Variants in TRIOBP observed in about 807,000 individuals in gnomAD.
TRIOBP encodes the protein TRIO and F-actin-binding protein.
TRIOBP carries 169 observed loss-of-function variants against 238.8 expected under a neutral mutation model. The ratio of observed to expected loss-of-function variants is 0.71; its 90% CI spans 0.62 to 0.80. The LOEUF (loss-of-function observed/expected upper bound fraction) is 0.80. Ranked by LOEUF, TRIOBP falls within the 30% of genes least tolerant of loss-of-function variation. TRIOBP has a pLI of 0.00. For synonymous variants in TRIOBP, 1,150 were observed against 1,274.4 expected, an observed-to-expected ratio of 0.90 and a Z score of 2.08; for missense variants, 2,838 against 3,122.6, an observed-to-expected ratio of 0.91 and a Z score of 2.17.
chr22:37,751,449 T>G (rs1925600712), intron 11 of TRIOBP: 1 of 432,604 alleles, frequency 2.3e-6, no homozygotes, highest in South Asian at 2.1e-5. Context: ...GCAGGCAGAG[T>G]CCTCCCAGCC....
At chr22:37,707,400 A>G (rs1381034471) in intron 3 of TRIOBP, among the ~76,000 whole-genome samples, 3 of 152,120 alleles carry the variant, frequency 2.0e-5, no homozygotes, top group Non-Finnish European at 2.9e-5. Context: ...CCACGTGGTC[A>G]GGCATTGAAG....
chr22:37,735,347 A>G lies in TRIOBP; in HGVS notation c.5011A>G (p.Arg1671Gly), dbSNP rs777685924. 2 of 1,613,274 alleles carry G rather than the reference A, an allele frequency of 1.2e-6. No individual in the cohort carries two copies. The highest frequency in any genetic ancestry group is 1.1e-5 in the South Asian group (1 of 91,074). The change falls in exon 9 of 24, where the codon AGA (arginine) becomes GGA (glycine). Residue 1671 changes from arginine (R) to glycine (G), a missense_variant. Around this residue, in one of 5 missense-constraint regions of TRIOBP, gnomAD observed 2,096 missense variants for 2,137.4 expected, o/e 0.98. Coordinates refer to ENST00000644935, the MANE Select transcript of TRIOBP (RefSeq NM_001039141.3). ...CCAGTGGCCAAAGATCAAAGTGACA[A>G]GAGGACCAGCGACCGCAACTCTGGC... The part of the protein sequence containing the change: ...STQWPKIKVT[R>G]GPATATLAGL...
At position 37,754,866 on chromosome 22, in the gene TRIOBP, C is replaced by G. The variant is rs942820718; in HGVS notation, c.5380-11C>G. The G allele has an allele frequency of 1.9e-6, 3 of 1,613,550 alleles. No homozygotes were observed. Among genetic ancestry groups the G allele is most frequent in the Admixed American group, 3.3e-5 (2 of 60,006 alleles). On this transcript the variant is annotated splice_polypyrimidine_tract_variant and intron_variant, in intron 12 of 23. Coordinates refer to ENST00000644935, the MANE Select transcript of TRIOBP (RefSeq NM_001039141.3). ...ACACACACTGGCTCTTTCATTCCAT[C>G]CTCCTTGCAGCCTCCCTCCCCCTCG...
Position 37,734,555 on chromosome 22 carries a change from C to G in TRIOBP, c.4219C>G (p.Leu1407Val). Reference sequence around the variant, plus strand: ...ATCAGCCAGGACCCCTGAGAGGGAGCTGCGGACACAGAGACCTCTGGAGAG... The same window carrying G: ...ATCAGCCAGGACCCCTGAGAGGGAGGTGCGGACACAGAGACCTCTGGAGAG... Reference protein sequence around the residue: ...RTSARTPERELRTQRPLESGQ... With the variant: ...RTSARTPEREVRTQRPLESGQ... The change falls in exon 9 of 24, where the codon CTG becomes GTG. Residue 1407 changes from leucine (L) to valine (V), a missense_variant. Coordinates refer to ENST00000644935, the MANE Select transcript of TRIOBP (RefSeq NM_001039141.3). 1.3e-6 allele frequency: 2 copies of G among 1,591,472 alleles called. No homozygotes were observed. The highest frequency in any genetic ancestry group is 1.7e-6 in the Non-Finnish European group (2 of 1,169,302).
chr22:37,710,192 C>G (rs1434001641), intron 3 of TRIOBP, among the ~76,000 whole-genome samples: 1 of 152,256 alleles, frequency 6.6e-6, no homozygotes, highest in Non-Finnish European at 1.5e-5. Flanking sequence ...ACACACATAC[C>G]TGCTCCAAGG....
At chr22:37,731,920 G>T (rs865923647) in intron 7 of TRIOBP, among the ~76,000 whole-genome samples, 4 of 151,328 alleles carry the variant, frequency 2.6e-5, no homozygotes, top group Middle Eastern at 3.6e-3. Context: ...TGTCGTTCCA[G>T]CATGGCTCCT....
chr22:37,741,800 G>A (rs1924946712), intron 11 of TRIOBP, among the ~76,000 whole-genome samples: 1 of 152,208 alleles, frequency 6.6e-6, no homozygotes, highest in South Asian at 2.1e-4. Context: ...ATGAGAGAAG[G>A]GTTGTAGCCA....
chr22:37,701,684 T>C (rs1363800669), intron 3 of TRIOBP, among the ~76,000 whole-genome samples: 1 of 152,260 alleles, frequency 6.6e-6, no homozygotes, highest in African/African-American at 2.4e-5. Flanking sequence ...GCTTATATGA[T>C]ACGATTGTTA....
rs1016862310 is a variant in TRIOBP, at chr22:37,726,490, G to A, written c.3934G>A (p.Gly1312Arg). The A allele has an allele frequency of 8.5e-6, 13 of 1,522,344 alleles. No homozygotes were observed. The highest frequency in any genetic ancestry group is 1.4e-5 in the African/African-American group (1 of 73,248). The allele number at this position is 1,522,344 out of a possible 1,614,324, so 94.3% of individuals were successfully genotyped here. Residue 1312 changes from glycine (G) to arginine (R), a missense_variant, in exon 7 of 24, where the codon GGG becomes AGG. Gly to Arg is a moderately radical substitution (Grantham distance 125, BLOSUM62 -2). Around this residue, in one of 5 missense-constraint regions of TRIOBP, gnomAD observed 2,096 missense variants for 2,137.4 expected, o/e 0.98. Transcript: ENST00000644935. The stretch of plus-strand genomic sequence containing the variant: ...CCGTGCAGAGGTGGAGCGCCTCTTC[G>A]GGCAAGAGCGCAGGTGAGCCCGGGG... ...PGRAEVERLF[G>R]QERRKSEAAG...
In TRIOBP at chr22:37,768,887, T is replaced by C. The variant is rs183868970; in HGVS notation, c.6576-141T>C. On this transcript the variant is annotated intron_variant, in intron 19 of 23. Transcript: ENST00000644935. ...TGTAGCCCAGAGAAGCTGTCACTGG[T>C]TCACAGCCCCACAGCAGGCTAAAGG... 1.2e-4 allele frequency: 141 copies of C among 1,159,876 alleles called. No homozygotes were observed. In the Admixed American group the frequency reaches 2.5e-3, roughly 21 times the overall value. 71.8% of individuals were successfully genotyped at this position (1,159,876 alleles called of 1,614,324 possible).
intron 5 of TRIOBP, 138 bp downstream of exon 5, chr22:37,713,549 C>T: frequency 1.8e-6 from 2 of 1,100,072 alleles, no homozygotes; most frequent in African/African-American, 1.5e-5. Context: ...CATTAGCTGG[C>T]AGCTCGGGCC....
chr22:37,767,228 G>A (rs1336508592), intron 18 of TRIOBP, among the ~76,000 whole-genome samples: 1 of 85,090 alleles, frequency 1.2e-5, no homozygotes, highest in African/African-American at 3.3e-5. Flanking sequence ...TCCAGCCTGG[G>A]TGACAGAGTG....
rs976076974 is a variant in TRIOBP at position 37,757,744 on chromosome 22, G to A, written c.5819G>A (p.Arg1940His). 8.3e-6 allele frequency: 13 copies of A among 1,568,082 alleles called. No individual in the cohort carries two copies. Among genetic ancestry groups the A allele is most frequent in the Admixed American group, 5.6e-5 (3 of 53,212 alleles). The change falls in exon 16 of 24, where the codon CGT (arginine) becomes CAT (histidine). Residue 1940 changes from arginine (R) to histidine (H), a missense_variant. Coordinates refer to ENST00000644935, the MANE Select transcript of TRIOBP (RefSeq NM_001039141.3). ...RGGPRKADGQ[R>H]QALDYVELSP... ...GGCCCTCGGAAGGCGGACGGGCAGCGTCAGGCCTTGGACTACGTGGAGCTC... is the reference window on the plus strand; with the variant it reads ...GGCCCTCGGAAGGCGGACGGGCAGCATCAGGCCTTGGACTACGTGGAGCTC...
At chr22:37,750,320 G>T (rs575865475) in intron 11 of TRIOBP, among the ~76,000 whole-genome samples, 1 of 152,364 alleles carries the variant, frequency 6.6e-6, no homozygotes, top group Admixed American at 6.5e-5. Flanking sequence ...AGGAAGCCTG[G>T]CTCCTCCGGG....
chr22:37,742,926 G>C (rs1281329121), intron 11 of TRIOBP, among the ~76,000 whole-genome samples: 1 of 152,166 alleles, frequency 6.6e-6, no homozygotes, highest in African/African-American at 2.4e-5. Context: ...AGCTCAGAGA[G>C]GGAGGGTCAC....
In TRIOBP at chr22:37,726,065, A is replaced by G. The variant is rs1282034432; in HGVS notation, c.3509A>G (p.Asp1170Gly). 1 of 1,593,334 alleles carries G rather than the reference A, an allele frequency of 6.3e-7. No homozygotes were observed. Residue 1170 changes from aspartate (D) to glycine (G), a missense_variant, in exon 7 of 24, where the codon GAT (aspartate) becomes GGT (glycine). By Grantham distance (94) the Asp-to-Gly change is moderately conservative (BLOSUM62 -1). Around this residue, in one of 5 missense-constraint regions of TRIOBP, gnomAD observed 2,096 missense variants for 2,137.4 expected, o/e 0.98. Coordinates refer to ENST00000644935, the MANE Select transcript of TRIOBP (RefSeq NM_001039141.3). ...ACCCCTGTGTGCATTGGGCACCGGGATGCACCCTCCTTCTCATCCCCACCA... is the reference window on the plus strand; with the variant it reads ...ACCCCTGTGTGCATTGGGCACCGGGGTGCACCCTCCTTCTCATCCCCACCA... ...IPTPVCIGHR[D>G]APSFSSPPRQ...
chr22:37,748,101 G>A (rs990911937), intron 11 of TRIOBP, among the ~76,000 whole-genome samples: 8 of 152,322 alleles, frequency 5.3e-5, no homozygotes, highest in African/African-American at 1.4e-4. Flanking sequence ...TAGCAAGAGC[G>A]TAGGGAAGGG....
chr22:37,742,268 TTTTTTTTTA>T (rs1924973538), intron 11 of TRIOBP, among the ~76,000 whole-genome samples: 1 of 148,656 alleles, frequency 6.7e-6, no homozygotes, highest in South Asian at 2.2e-4. Flanking sequence ...TTTTTTTTTT[TTTTTTTTTA>T]AATTAAGATA....
Position 37,755,320 on chromosome 22 carries a change from C to T in TRIOBP, c.5577+130C>T, listed in dbSNP as rs182299103. 311 of 1,050,462 alleles carry T rather than the reference C, an allele frequency of 3.0e-4. No homozygotes were observed. In the African/African-American group the frequency reaches 3.9e-3, roughly 13 times the overall value. 65.1% of individuals were successfully genotyped at this position (1,050,462 alleles called of 1,614,324 possible). A position where few individuals can be genotyped will look rare whatever the true frequency, so the allele number is the denominator to read the frequency against. ...TCACTCATTTACCCAGAGGCCCTAT[C>T]TTCAGAGCCAGAGCTGTGATGCCAA... On this transcript the variant is annotated intron_variant, in intron 14 of 23. Coordinates refer to ENST00000644935, the MANE Select transcript of TRIOBP (RefSeq NM_001039141.3).
Sources: gnomAD v4.1 joint callset for allele counts (sites outside exome capture counted in the v4.1 genomes callset) on GRCh38, gnomAD v4.1.1 for gene constraint, gnomAD v4.1.1 regional missense constraint, MANE v1.5 for transcripts, NCBI Gene and HGNC (gene_info 2026-07-23, HGNC 2026-07-21) for gene names.